The following EIF3E variants were observed in gnomAD, a reference collection of about 807,000 sequenced individuals.
The protein encoded by EIF3E is eIF-3 p48.
EIF3E carries 25 observed loss-of-function variants against 59.3 expected under a neutral mutation model. The observed-to-expected ratio is 0.42, with a 90% CI of 0.31 to 0.59. The LOEUF is 0.59. Ranked by LOEUF, EIF3E falls within the 20% of genes least tolerant of loss-of-function variation. EIF3E has a pLI of 0.15. For synonymous variants in EIF3E, 176 were observed against 170.2 expected (o/e 1.03, Z -0.26); for missense variants, 317 against 534.3 (o/e 0.59, Z 4.01).
Position 108,218,778 on chromosome 8 carries a change from A to C in EIF3E, c.723-1318T>G, listed in dbSNP as rs375903731. On this transcript the variant is annotated intron_variant, in intron 7 of 12. Coordinates refer to ENST00000220849, the MANE Select transcript of EIF3E (RefSeq NM_001568.3). Reference sequence around the variant, plus strand: ...GTAGGTGATTTTATTTTTTTATTTTATTTCTTTTTTTTTTTTTTTTTTTGA... The same window carrying C: ...GTAGGTGATTTTATTTTTTTATTTTCTTTCTTTTTTTTTTTTTTTTTTTGA... Among the ~76,000 whole-genome samples, 678 of 105,892 alleles carry C rather than the reference A, an allele frequency of 6.4e-3. 6 individuals carry two copies. The highest frequency in any genetic ancestry group is 9.0e-3 in the Non-Finnish European group (471 of 52,604). 69.5% of individuals were successfully genotyped at this position (105,892 alleles called of 152,430 possible).
In EIF3E at chr8:108,241,819, T is replaced by A; in HGVS notation, c.185A>T (p.Tyr62Phe). ...DFAMDVYKNL[Y>F]SDDIPHALRE... The stretch of plus-strand genomic sequence containing the variant: ...CTTACCATGAGGAATATCATCAGAA[T>A]AAAGGTTTTTGTATACATCCATAGC... Residue 62 changes from tyrosine (Y) to phenylalanine (F), a missense_variant, in exon 2 of 13, where the codon TAT (tyrosine) becomes TTT (phenylalanine). Coordinates refer to ENST00000220849, the MANE Select transcript of EIF3E (RefSeq NM_001568.3). The A allele has an allele frequency of 6.3e-7, 1 of 1,586,664 alleles. No individual in the cohort carries two copies. Among genetic ancestry groups the A allele is most frequent in the African/African-American group, 1.4e-5 (1 of 73,672 alleles).
chr8:108,201,354 A>C lies in EIF3E; in HGVS notation c.*531T>G, dbSNP rs1814993322. On this transcript the variant is annotated 3_prime_UTR_variant, in exon 13 of 13. Coordinates refer to ENST00000220849, the MANE Select transcript of EIF3E (RefSeq NM_001568.3). ...GGTTGTGTATTATGTAATTCCATTT[A>C]TATAACATTCTCATAATGACAAAAT... The C allele has an allele frequency of 6.6e-6, 1 of 151,216 alleles. No individual in the cohort carries two copies. The highest frequency in any genetic ancestry group is 1.9e-4 in the East Asian group (1 of 5,186). The allele number at this position is 151,216 out of a possible 1,614,324, so 9.4% of individuals were successfully genotyped here.
At chr8:108,210,998 G>C (rs1266334357) in intron 10 of EIF3E, among the ~76,000 whole-genome samples, 2 of 152,126 alleles carry the variant, frequency 1.3e-5, no homozygotes, top group Non-Finnish European at 2.9e-5. Flanking sequence ...GTCTATCATT[G>C]ATGAACATTT....
chr8:108,202,721 T>A (rs1815017247), intron 12 of EIF3E, among the ~76,000 whole-genome samples: 1 of 151,834 alleles, frequency 6.6e-6, no homozygotes, highest in Non-Finnish European at 1.5e-5. Flanking sequence ...AGGAAATGAG[T>A]TAATGAAGTC....
chr8:108,246,399 T>A (rs779890281), intron 1 of EIF3E, among the ~76,000 whole-genome samples: 5 of 152,006 alleles, frequency 3.3e-5, no homozygotes, highest in Non-Finnish European at 7.4e-5. Context: ...TCACTGAAGA[T>A]AACAAAATCT....
At chr8:108,216,624 C>A in intron 8 of EIF3E, 111 bp from the exon 9 acceptor site, 1 of 734,644 alleles carries the variant, frequency 1.4e-6, no homozygotes, top group Non-Finnish European at 2.3e-6. Context: ...TAATTTCTAG[C>A]CAAATTACCT....
intron 5 of EIF3E, chr8:108,232,058 A>T (rs1815633807): frequency 6.6e-6 from 1 of 152,182 alleles, no homozygotes; most frequent in Admixed American, 6.5e-5. Flanking sequence ...TGCAAAAAAT[A>T]AAATTAATTA....
At chr8:108,209,892 T>C (rs1348513183) in intron 10 of EIF3E, among the ~76,000 whole-genome samples, 1 of 152,156 alleles carries the variant, frequency 6.6e-6, no homozygotes, top group South Asian at 2.1e-4. Flanking sequence ...GTTCTGTATC[T>C]TGAATGTATC....
At chr8:108,239,906 G>T in intron 3 of EIF3E, 52 bp downstream of exon 3, 1 of 1,352,248 alleles carries the variant, frequency 7.4e-7, no homozygotes, top group South Asian at 1.2e-5. Flanking sequence ...ATTAACATTT[G>T]TATTAATCCA....
chr8:108,232,647 G>A (rs1289503736), intron 5 of EIF3E, among the ~76,000 whole-genome samples: 2 of 152,162 alleles, frequency 1.3e-5, no homozygotes, highest in Non-Finnish European at 2.9e-5. Context: ...TGTGTTATAT[G>A]TGTTAGAATA....
chr8:108,217,302 A>T lies in EIF3E; in HGVS notation c.849+32T>A, dbSNP rs774975944. On this transcript the variant is annotated intron_variant, in intron 8 of 12. Coordinates refer to ENST00000220849, the MANE Select transcript of EIF3E (RefSeq NM_001568.3). Reference sequence around the variant, plus strand: ...GTTAGACCTAAAGCTTAGGTATTTAAAAAAAAAAATCAATATATATTTTAG... The same window carrying T: ...GTTAGACCTAAAGCTTAGGTATTTATAAAAAAAAATCAATATATATTTTAG... 4.8e-5 allele frequency: 58 copies of T among 1,203,332 alleles called. No individual in the cohort carries two copies. The African/African-American group carries it at 1.7e-3, about 35-fold the overall frequency. 74.5% of individuals were successfully genotyped at this position (1,203,332 alleles called of 1,614,324 possible).
Position 108,229,190 on chromosome 8 carries a change from T to C in EIF3E, c.477A>G (p.Pro159=). The C allele has an allele frequency of 6.2e-7, 1 of 1,612,002 alleles. No individual in the cohort carries two copies. The highest frequency in any genetic ancestry group is 1.1e-5 in the South Asian group (1 of 90,674). The change falls in exon 6 of 13, where the codon CCA becomes CCG. Residue 159 remains proline (P), a synonymous_variant. Coordinates refer to ENST00000220849, the MANE Select transcript of EIF3E (RefSeq NM_001568.3). ...AACTTAAAGCATTTCTATCTGTTGC[T>C]GGAACCTGTTTAAGAAATCATAATT... ...EYLYFFRVLV[P]ATDRNALSSL...
In EIF3E at chr8:108,240,090, A is replaced by G; in HGVS notation, c.206-15T>C. On this transcript the variant is annotated splice_polypyrimidine_tract_variant and intron_variant, in intron 2 of 12. Transcript: ENST00000220849. The stretch of plus-strand genomic sequence containing the variant: ...CTCTCTCAAAGCTAATTAAAAATGC[A>G]GAAGAGCACTACAATGTTAAGGAAT... 5.1e-6 allele frequency: 8 copies of G among 1,578,644 alleles called. No homozygotes were observed. Among genetic ancestry groups the G allele is most frequent in the Non-Finnish European group, 7.0e-6 (8 of 1,147,716 alleles).
rs1340387867 is a variant in EIF3E at position 108,235,413 on chromosome 8, G to A, written c.367-311C>T. On this transcript the variant is annotated intron_variant, in intron 4 of 12. Coordinates refer to ENST00000220849, the MANE Select transcript of EIF3E (RefSeq NM_001568.3). Reference sequence around the variant, plus strand: ...CACTAGCTGGATTCGCATAAGGAGCGTGCAACCTAGATCCCTTGCATGAGC... The same window carrying A: ...CACTAGCTGGATTCGCATAAGGAGCATGCAACCTAGATCCCTTGCATGAGC... 3.3e-5 allele frequency among the ~76,000 whole-genome samples: 5 copies of A among 152,116 alleles called. No individual in the cohort carries two copies. The East Asian group carries it at 5.8e-4, about 18-fold the overall frequency.
At chr8:108,226,545 T>C (rs896962486) in intron 7 of EIF3E, among the ~76,000 whole-genome samples, 1 of 152,164 alleles carries the variant, frequency 6.6e-6, no homozygotes, top group African/African-American at 2.4e-5. Flanking sequence ...ACCAAAATGT[T>C]TAAGAAGCAC....
chr8:108,208,624 G>C (rs1815150586), intron 10 of EIF3E, among the ~76,000 whole-genome samples: 1 of 152,074 alleles, frequency 6.6e-6, no homozygotes, highest in African/African-American at 2.4e-5. Context: ...AATGTAAATT[G>C]TTATGTGGTA....
intron 1 of EIF3E, among the ~76,000 whole-genome samples, chr8:108,247,505 C>T (rs957778920): frequency 6.6e-6 from 1 of 152,192 alleles, no homozygotes; most frequent in Non-Finnish European, 1.5e-5. Context: ...ATGATCTTAG[C>T]CGTTACCTAA....
intron 1 of EIF3E, chr8:108,243,321 G>A (rs532406513): frequency 2.6e-5 from 4 of 152,326 alleles, no homozygotes; most frequent in African/African-American, 9.6e-5. Flanking sequence ...GTGACTAACA[G>A]GGGTCAAGAT....
intron 1 of EIF3E, among the ~76,000 whole-genome samples, chr8:108,247,787 T>C (rs1815974998): frequency 6.6e-6 from 1 of 152,206 alleles, no homozygotes; most frequent in South Asian, 2.1e-4. Context: ...ATTATTAAAA[T>C]GCATCAATTT....
Sources: allele counts gnomAD v4.1 joint callset (sites outside exome capture counted in the v4.1 genomes callset), GRCh38; gene constraint gnomAD v4.1.1; transcripts MANE v1.5; gene names NCBI Gene and HGNC (gene_info 2026-07-23, HGNC 2026-07-21).